The following SIMC1 variants were observed in gnomAD, a reference collection of about 807,000 sequenced individuals.
The protein encoded by SIMC1 is SUMO-interacting motif-containing protein 1.
In SIMC1, 55 loss-of-function variants were observed where a neutral mutation model predicts 82.3. That is an observed-to-expected ratio of 0.67 (90% CI 0.54 to 0.84). The LOEUF (loss-of-function observed/expected upper bound fraction) is 0.84. Ranked by LOEUF, SIMC1 falls within the 40% of genes least tolerant of loss-of-function variation. The pLI is 0.00. For synonymous variants in SIMC1, 353 were observed against 426.3 expected, an observed-to-expected ratio of 0.83 and a Z score of 2.12; for missense variants, 915 against 1,107.2, an observed-to-expected ratio of 0.83 and a Z score of 2.46.
chr5:176,250,042 T>C (rs1357350131), intron 1 of SIMC1, among the ~76,000 whole-genome samples: 1 of 152,126 alleles, frequency 6.6e-6, no homozygotes, highest in Non-Finnish European at 1.5e-5. Context: ...TCCGGCTTTT[T>C]CCTGTGGGCA....
At chr5:176,324,518 T>A (rs1049292296) in intron 6 of SIMC1, 111 bp from the exon 7 acceptor site, 1 of 1,089,674 alleles carries the variant, frequency 9.2e-7, no homozygotes, top group African/African-American at 1.6e-5. Context: ...CTTTATAAGA[T>A]CCTTTAGTAG....
chr5:176,271,632 A>G (rs149387502), intron 1 of SIMC1, among the ~76,000 whole-genome samples: 3,165 of 151,600 alleles, frequency 0.021, 50 homozygotes, highest in Middle Eastern at 0.068. Flanking sequence ...ATATTTTTAG[A>G]TACAATGAAT....
chr5:176,324,116 T>C (rs2113374107), intron 6 of SIMC1, among the ~76,000 whole-genome samples: 1 of 151,936 alleles, frequency 6.6e-6, no homozygotes, highest in East Asian at 1.9e-4. Context: ...CAGTTAGATC[T>C]AATGGGAGAG....
At chr5:176,282,395 A>T (rs913956489) in intron 1 of SIMC1, among the ~76,000 whole-genome samples, 1 of 152,212 alleles carries the variant, frequency 6.6e-6, no homozygotes, top group Non-Finnish European at 1.5e-5. Context: ...GAGTGAGGCA[A>T]TGCCTCGCCC....
chr5:176,244,879 G>A (rs1348011552), intron 1 of SIMC1, among the ~76,000 whole-genome samples: 1 of 151,666 alleles, frequency 6.6e-6, no homozygotes, highest in Non-Finnish European at 1.5e-5. Flanking sequence ...GTGCCACCAT[G>A]CCCAGCTAAT....
intron 1 of SIMC1, among the ~76,000 whole-genome samples, chr5:176,289,402 C>T (rs1763442373): frequency 6.7e-6 from 1 of 150,194 alleles, no homozygotes; most frequent in Non-Finnish European, 1.5e-5. Flanking sequence ...ACTCCCCTGT[C>T]CTCCTTGGAC....
chr5:176,281,252 TA>T (rs1382743452), intron 1 of SIMC1, among the ~76,000 whole-genome samples: 2 of 152,386 alleles, frequency 1.3e-5, no homozygotes, highest in African/African-American at 4.8e-5. Context: ...ATGCTTCACG[TA>T]GTTCTCGAGC....
At chr5:176,277,307 C>T (rs956784999) in intron 1 of SIMC1, among the ~76,000 whole-genome samples, 7 of 151,660 alleles carry the variant, frequency 4.6e-5, no homozygotes, top group Admixed American at 6.6e-5. Flanking sequence ...TTGTTTTTTT[C>T]TTGTAAATTT....
chr5:176,306,273 C>T (rs1217915153), intron 4 of SIMC1, among the ~76,000 whole-genome samples: 2 of 123,094 alleles, frequency 1.6e-5, no homozygotes, highest in African/African-American at 2.8e-5. Flanking sequence ...CCAGCCGCCC[C>T]GTCCGGGAGG....
At position 176,295,399 on chromosome 5, in the gene SIMC1, A is replaced by G. The variant is rs948590499; in HGVS notation, c.1664+137A>G. 7 of 1,419,194 alleles carry G rather than the reference A, an allele frequency of 4.9e-6. No homozygotes were observed. The African/African-American group carries it at 1.0e-4, about 21-fold the overall frequency. The allele number at this position is 1,419,194 out of a possible 1,614,324, so 87.9% of individuals were successfully genotyped here. ...CATATTAGTGTTATTTGAATTGCAA[A>G]TGATAGGAAACCCAGTCCAAACAGA... On this transcript the variant is annotated intron_variant, in intron 3 of 9. Coordinates refer to ENST00000429602, the MANE Select transcript of SIMC1 (RefSeq NM_001308195.2).
At chr5:176,277,877 T>A (rs1185127589) in intron 1 of SIMC1, among the ~76,000 whole-genome samples, 1 of 151,458 alleles carries the variant, frequency 6.6e-6, no homozygotes, top group Non-Finnish European at 1.5e-5. Flanking sequence ...TGAAGTCAGG[T>A]AGCGTGATGC....
intron 7 of SIMC1, among the ~76,000 whole-genome samples, chr5:176,334,692 CT>C (rs953512536): frequency 6.6e-6 from 1 of 152,208 alleles, no homozygotes; most frequent in Non-Finnish European, 1.5e-5. Flanking sequence ...AAGAAGCCCC[CT>C]CTCTTCTATT....
intron 1 of SIMC1, among the ~76,000 whole-genome samples, chr5:176,269,453 TAAAAC>T (rs1762335342): frequency 6.6e-6 from 1 of 152,242 alleles, no homozygotes; most frequent in Non-Finnish European, 1.5e-5. Flanking sequence ...ACACAAGTCA[TAAAAC>T]TAACACAAGA....
chr5:176,298,007 G>T lies in SIMC1; in HGVS notation c.1734+1687G>T, dbSNP rs560016778. ...ACAATCTGGGAGACATCTGCAAGAT[G>T]GTAGACTAGGAAGCTCCAGGCCCTT... On this transcript the variant is annotated intron_variant, in intron 4 of 9. Coordinates refer to ENST00000429602, the MANE Select transcript of SIMC1 (RefSeq NM_001308195.2). Among the ~76,000 whole-genome samples, 14 of 152,262 alleles carry T rather than the reference G, an allele frequency of 9.2e-5. No homozygotes were observed. In the South Asian group the frequency reaches 2.9e-3, roughly 32 times the overall value.
intron 1 of SIMC1, among the ~76,000 whole-genome samples, chr5:176,282,602 T>C (rs1581250487): frequency 6.6e-6 from 1 of 152,208 alleles, no homozygotes; most frequent in East Asian, 1.9e-4. Context: ...CTGAAAATTC[T>C]AAAAGTCAGA....
intron 7 of SIMC1, among the ~76,000 whole-genome samples, chr5:176,326,329 G>T (rs932108176): frequency 6.6e-6 from 1 of 151,756 alleles, no homozygotes. Context: ...GACATTTACT[G>T]AGTCCCTACA....
intron 5 of SIMC1, among the ~76,000 whole-genome samples, chr5:176,316,288 A>G (rs1371048320): frequency 6.6e-6 from 1 of 152,168 alleles, no homozygotes; most frequent in Admixed American, 6.5e-5. Flanking sequence ...GGGATACCCA[A>G]GGCACTGTTC....
intron 1 of SIMC1, among the ~76,000 whole-genome samples, chr5:176,271,681 T>G (rs1762431693): frequency 6.6e-6 from 1 of 151,410 alleles, no homozygotes; most frequent in South Asian, 2.1e-4. Context: ...GTGACTACAG[T>G]AAGCAATATT....
chr5:176,308,257 G>C, intron 4 of SIMC1: 1 of 1,539,338 alleles, frequency 6.5e-7, no homozygotes, highest in Non-Finnish European at 9.0e-7. Context: ...TTGCTGAAAA[G>C]GTTGATGCCA....
Sources: gnomAD v4.1 joint callset for allele counts (sites outside exome capture counted in the v4.1 genomes callset) on GRCh38, gnomAD v4.1.1 for gene constraint, MANE v1.5 for transcripts, NCBI Gene and HGNC (gene_info 2026-07-23, HGNC 2026-07-21) for gene names.